The following BMPR1A variants were observed in gnomAD, a reference collection of about 807,000 sequenced individuals.
The protein encoded by BMPR1A is bone morphogenetic protein receptor type-1A.
Under a neutral mutation model 66.0 loss-of-function variants are expected in BMPR1A, and 7 were observed. The ratio of observed to expected loss-of-function variants is 0.11; its 90% CI spans 0.06 to 0.20. The LOEUF is 0.20. Ranked by LOEUF, BMPR1A falls within the 10% of genes least tolerant of loss-of-function variation. The probability of loss-of-function intolerance (pLI) is 1.00; values close to 1 mark genes in which losing one functional copy is unlikely to be tolerated. For missense variants in BMPR1A, 408 were observed against 669.1 expected, an observed-to-expected ratio of 0.61 and a Z score of 4.31; for synonymous variants, 200 against 229.7, an observed-to-expected ratio of 0.87 and a Z score of 1.17.
intron 2 of BMPR1A, chr10:86,854,855 C>T: frequency 4.1e-6 from 1 of 240,972 alleles, no homozygotes; most frequent in Non-Finnish European, 8.9e-6. Context: ...CTCTTCCAAG[C>T]TGTTGAGACT....
chr10:86,808,008 C>G (rs1202631811), intron 1 of BMPR1A, among the ~76,000 whole-genome samples: 1 of 152,186 alleles, frequency 6.6e-6, no homozygotes, highest in Non-Finnish European at 1.5e-5. Flanking sequence ...CTCAGGCAAT[C>G]CACCCACCTC....
chr10:86,925,092 G>C lies in BMPR1A; in HGVS notation c.*1373G>C, dbSNP rs930596188. On this transcript the variant is annotated 3_prime_UTR_variant, in exon 13 of 13. Coordinates refer to ENST00000372037, the MANE Select transcript of BMPR1A (RefSeq NM_004329.3). ...TGATTTCTATTCCCTAACTTGTGAA[G>C]ACAATGAAAAATCAGGCAGAAATAT... 4.3e-6 allele frequency: 1 copy of C among 231,914 alleles called. No homozygotes were observed. Among genetic ancestry groups the C allele is most frequent in the Non-Finnish European group, 8.5e-6 (1 of 117,408 alleles). The allele number at this position is 231,914 out of a possible 1,614,324, so 14.4% of individuals were successfully genotyped here. A position where few individuals can be genotyped will look rare whatever the true frequency, so the allele number is the denominator to read the frequency against.
chr10:86,881,345 C>G (rs1842982674), intron 3 of BMPR1A, among the ~76,000 whole-genome samples: 2 of 152,268 alleles, frequency 1.3e-5, no homozygotes, highest in South Asian at 4.2e-4. Flanking sequence ...TTAATCTTGC[C>G]TTTCTAACAT....
At position 86,925,881 on chromosome 10, in the gene BMPR1A, C is replaced by T. The variant is rs186104075; in HGVS notation, c.*2162C>T. ...TAGCTGGGACTACAGGCGCCCGCCA[C>T]CGCGCCCGGCTAATTTTTTGTATTT... On this transcript the variant is annotated 3_prime_UTR_variant, in exon 13 of 13. Coordinates refer to ENST00000372037, the MANE Select transcript of BMPR1A (RefSeq NM_004329.3). 21 of 163,094 alleles carry T rather than the reference C, an allele frequency of 1.3e-4. No homozygotes were observed. In the East Asian group the frequency reaches 2.6e-3, roughly 20 times the overall value. The allele number at this position is 163,094 out of a possible 1,614,324, so 10.1% of individuals were successfully genotyped here. A position where few individuals can be genotyped will look rare whatever the true frequency, so the allele number is the denominator to read the frequency against.
At chr10:86,851,791 G>T (rs1842571742) in intron 2 of BMPR1A, among the ~76,000 whole-genome samples, 1 of 152,180 alleles carries the variant, frequency 6.6e-6, no homozygotes, top group African/African-American at 2.4e-5. Flanking sequence ...GCATCGTAAG[G>T]GTATGGAGGA....
chr10:86,804,186 A>G (rs1053355304), intron 1 of BMPR1A, among the ~76,000 whole-genome samples: 14 of 152,182 alleles, frequency 9.2e-5, no homozygotes, highest in Admixed American at 7.9e-4. Context: ...CAGTTTTAAT[A>G]TATTCACAAT....
chr10:86,924,551 T>A lies in BMPR1A; in HGVS notation c.*832T>A, dbSNP rs1205047992. ...GTTATTATTTTTGTCACGGAAAGCA[T>A]CCTCTCCAAAGTTGGAGCTTCTATT... On this transcript the variant is annotated 3_prime_UTR_variant, in exon 13 of 13. Coordinates refer to ENST00000372037, the MANE Select transcript of BMPR1A (RefSeq NM_004329.3). The A allele has an allele frequency of 4.3e-6, 1 of 233,498 alleles. No individual in the cohort carries two copies. The highest frequency in any genetic ancestry group is 2.2e-5 in the African/African-American group (1 of 45,366). The allele number at this position is 233,498 out of a possible 1,614,324, so 14.5% of individuals were successfully genotyped here.
At chr10:86,797,944 C>T (rs1841748084) in intron 1 of BMPR1A, among the ~76,000 whole-genome samples, 1 of 151,834 alleles carries the variant, frequency 6.6e-6, no homozygotes. Context: ...TGTAGGTAAG[C>T]CTCAGAAATG....
At chr10:86,900,170 T>C in intron 7 of BMPR1A, 44 bp downstream of exon 7, 2 of 1,583,888 alleles carry the variant, frequency 1.3e-6, no homozygotes, top group Non-Finnish European at 1.7e-6. Context: ...TGTCAAATAT[T>C]AGATGTCAAC....
At chr10:86,866,065 C>G (rs563530235) in intron 2 of BMPR1A, among the ~76,000 whole-genome samples, 2 of 152,226 alleles carry the variant, frequency 1.3e-5, no homozygotes, top group South Asian at 2.1e-4. Context: ...AACAGCGAAC[C>G]AAATTGGGAA....
At chr10:86,869,430 C>T (rs993296656) in intron 2 of BMPR1A, among the ~76,000 whole-genome samples, 6 of 145,702 alleles carry the variant, frequency 4.1e-5, no homozygotes, top group African/African-American at 1.5e-4. Context: ...GCAGTCCAGC[C>T]TGGGCTACAG....
chr10:86,827,850 G>A (rs527759463), intron 1 of BMPR1A, among the ~76,000 whole-genome samples: 1 of 152,150 alleles, frequency 6.6e-6, no homozygotes, highest in African/African-American at 2.4e-5. Context: ...CCTTAAAGTG[G>A]CCTTTAAAGA....
At chr10:86,875,417 T>C (rs1291905363) in intron 2 of BMPR1A, among the ~76,000 whole-genome samples, 1 of 152,158 alleles carries the variant, frequency 6.6e-6, no homozygotes, top group East Asian at 1.9e-4. Context: ...ATTTTCTAGG[T>C]CGGCTTCCTC....
At chr10:86,895,855 C>T (rs569632377) in intron 5 of BMPR1A, among the ~76,000 whole-genome samples, 1 of 152,150 alleles carries the variant, frequency 6.6e-6, no homozygotes, top group Admixed American at 6.5e-5. Flanking sequence ...CGGCAGAACC[C>T]CATCTCTACA....
chr10:86,851,333 A>G (rs1842564185), intron 2 of BMPR1A, among the ~76,000 whole-genome samples: 1 of 152,184 alleles, frequency 6.6e-6, no homozygotes, highest in Non-Finnish European at 1.5e-5. Context: ...TTTATTTCTT[A>G]AATTTATTTA....
At chr10:86,796,113 C>T (rs1841706493) in intron 1 of BMPR1A, among the ~76,000 whole-genome samples, 1 of 152,092 alleles carries the variant, frequency 6.6e-6, no homozygotes, top group South Asian at 2.1e-4. Flanking sequence ...CATAAAATCC[C>T]AGTGCCATAT....
intron 1 of BMPR1A, among the ~76,000 whole-genome samples, chr10:86,805,501 G>A (rs1589724899): frequency 2.3e-5 from 3 of 130,928 alleles, no homozygotes; most frequent in East Asian, 2.4e-4. Flanking sequence ...TCGCTCTGTC[G>A]CCCAGCCTGG....
intron 1 of BMPR1A, among the ~76,000 whole-genome samples, chr10:86,833,614 G>T (rs1400180638): frequency 6.6e-6 from 1 of 152,162 alleles, no homozygotes; most frequent in East Asian, 1.9e-4. Context: ...TACATAAACA[G>T]ATTTTGTGCT....
At chr10:86,815,665 GTA>G (rs761429301) in intron 1 of BMPR1A, among the ~76,000 whole-genome samples, 22 of 152,174 alleles carry the variant, frequency 1.4e-4, no homozygotes, top group Non-Finnish European at 1.0e-4. Flanking sequence ...TTAAAAATCT[GTA>G]TATGAAATAG....
Sources: gnomAD v4.1 joint callset for allele counts (sites outside exome capture counted in the v4.1 genomes callset) on GRCh38, gnomAD v4.1.1 for gene constraint, MANE v1.5 for transcripts, NCBI Gene and HGNC (gene_info 2026-07-23, HGNC 2026-07-21) for gene names.